The following RRM2 variants were observed in gnomAD, a reference collection of about 807,000 sequenced individuals.
RRM2 encodes the protein ribonucleoside-diphosphate reductase subunit M2.
A neutral mutation model predicts 45.9 loss-of-function variants in RRM2; 6 were observed. The ratio of observed to expected loss-of-function variants is 0.13; its 90% CI spans 0.07 to 0.26. The LOEUF is 0.26. RRM2 is among the 10% of genes least tolerant of loss of function. RRM2 has a pLI of 1.00. For synonymous variants in RRM2, 177 were observed against 173.0 expected (o/e 1.02, Z -0.18); for missense variants, 343 against 489.5 (o/e 0.70, Z 2.82).
intron 3 of RRM2, among the ~76,000 whole-genome samples, chr2:10,201,362 A>T (rs1313098451): frequency 6.6e-6 from 1 of 152,124 alleles, no homozygotes; most frequent in Non-Finnish European, 1.5e-5. Flanking sequence ...AGCCTCTTTG[A>T]CTCTGAAAAG....
intron 3 of RRM2, among the ~76,000 whole-genome samples, chr2:10,147,377 G>A (rs1388286167): frequency 6.6e-6 from 1 of 151,942 alleles, no homozygotes; most frequent in Non-Finnish European, 1.5e-5. Flanking sequence ...CAACCTCCTG[G>A]GCTCAAGTGA....
intron 3 of RRM2, among the ~76,000 whole-genome samples, chr2:10,167,124 C>A (rs534431457): frequency 2.0e-5 from 3 of 152,318 alleles, no homozygotes; most frequent in African/African-American, 7.2e-5. Flanking sequence ...TCTCGAGACA[C>A]GCCTCGACTG....
chr2:10,210,859 C>A (rs1664750123), exon 4 of RRM2: 1 of 320,058 alleles, frequency 3.1e-6, no homozygotes, highest in Non-Finnish European at 6.1e-6. Context: ...GGTTGGTGCC[C>A]TTATGGTTCT....
chr2:10,188,198 A>G (rs1356045243), intron 3 of RRM2, among the ~76,000 whole-genome samples: 1 of 152,180 alleles, frequency 6.6e-6, no homozygotes, highest in Non-Finnish European at 1.5e-5. Context: ...TGCAGTGGGC[A>G]GCCCGGTGGT....
chr2:10,149,699 C>A (rs1196237410), intron 3 of RRM2, among the ~76,000 whole-genome samples: 1 of 152,196 alleles, frequency 6.6e-6, no homozygotes, highest in Non-Finnish European at 1.5e-5. Context: ...GAGGACTACA[C>A]CCAGTGCCAT....
intron 3 of RRM2, among the ~76,000 whole-genome samples, chr2:10,143,979 T>C (rs1227733694): frequency 2.0e-5 from 3 of 152,236 alleles, no homozygotes; most frequent in Non-Finnish European, 4.4e-5. Flanking sequence ...CTGCCCACTT[T>C]CTTCCCCTTC....
chr2:10,145,522 C>T (rs1015166806), intron 3 of RRM2: 2 of 152,260 alleles, frequency 1.3e-5, no homozygotes, highest in African/African-American at 2.4e-5. Flanking sequence ...TATTTTTGAT[C>T]TGCAGTTAGA....
At chr2:10,146,549 G>A (rs1663190762) in intron 3 of RRM2, among the ~76,000 whole-genome samples, 1 of 152,224 alleles carries the variant, frequency 6.6e-6, no homozygotes. Flanking sequence ...TTGCCTTCTG[G>A]GGGCTGCTAG....
chr2:10,166,667 G>T (rs760434549), intron 3 of RRM2, among the ~76,000 whole-genome samples: 1 of 152,226 alleles, frequency 6.6e-6, no homozygotes, highest in Admixed American at 6.5e-5. Context: ...AGGGATCAAG[G>T]CTCAGCCTGT....
chr2:10,180,424 C>A (rs892718770), intron 3 of RRM2, among the ~76,000 whole-genome samples: 2 of 152,348 alleles, frequency 1.3e-5, no homozygotes, highest in African/African-American at 4.8e-5. Flanking sequence ...AATTCCAAGT[C>A]ATTCATTATT....
intron 3 of RRM2, among the ~76,000 whole-genome samples, chr2:10,164,262 A>C (rs1367497984): frequency 6.6e-6 from 1 of 152,196 alleles, no homozygotes; most frequent in Non-Finnish European, 1.5e-5. Flanking sequence ...CTGAGTCTGC[A>C]TCTGGGCTCC....
At chr2:10,193,610 A>G (rs1269772741) in intron 3 of RRM2, among the ~76,000 whole-genome samples, 1 of 152,208 alleles carries the variant, frequency 6.6e-6, no homozygotes, top group East Asian at 1.9e-4. Context: ...CGGTCCTTGT[A>G]GCAAACATCG....
intron 3 of RRM2, among the ~76,000 whole-genome samples, chr2:10,160,786 A>G (rs1286135381): frequency 6.6e-6 from 1 of 152,064 alleles, no homozygotes; most frequent in Non-Finnish European, 1.5e-5. Flanking sequence ...CTGTATTTTC[A>G]GTCTTTCCTG....
intron 4 of RRM2, among the ~76,000 whole-genome samples, chr2:10,124,485 A>G (rs955371376): frequency 5.3e-5 from 8 of 152,202 alleles, no homozygotes; most frequent in Admixed American, 3.9e-4. Flanking sequence ...CTTTCTTGAC[A>G]TAAATTAATT....
At chr2:10,163,368 T>TG (rs1262534898) in intron 3 of RRM2, among the ~76,000 whole-genome samples, 1 of 151,488 alleles carries the variant, frequency 6.6e-6, no homozygotes, top group Non-Finnish European at 1.5e-5. Flanking sequence ...TCTCTGGGGC[T>TG]GGGGCCAAGC....
chr2:10,122,572 TCG>T, upstream of RRM2: 1 of 1,440,954 alleles, frequency 6.9e-7, no homozygotes, highest in Non-Finnish European at 9.2e-7. Context: ...CGCTTGAAAA[TCG>T]CGCGCGGCCC....
Position 10,162,273 on chromosome 2 carries a change from G to A in RRM2, n.482+19898G>A, listed in dbSNP as rs1371935431. On this transcript the variant is annotated intron_variant and non_coding_transcript_variant, in intron 3 of 3. Coordinates refer to the RRM2 transcript ENST00000381786. ...ATAGAGAGGTGTGGAGCCGCCCGTC[G>A]TTCATGTCGATTCTCTCAGTCAATC... Among the ~76,000 whole-genome samples the A allele has an allele frequency of 3.9e-5, 6 of 152,182 alleles. No individual in the cohort carries two copies. The South Asian group carries it at 1.0e-3, about 26-fold the overall frequency.
intron 2 of RRM2, 65 bp from the exon 3 acceptor site, chr2:10,123,322 C>T (rs759068332): frequency 3.1e-5 from 48 of 1,526,294 alleles, no homozygotes; most frequent in Non-Finnish European, 3.5e-5. Context: ...AGGACTTGGT[C>T]CAGAAAAACG....
At chr2:10,199,455 T>A (rs1664491019) in intron 3 of RRM2, among the ~76,000 whole-genome samples, 1 of 151,992 alleles carries the variant, frequency 6.6e-6, no homozygotes, top group Non-Finnish European at 1.5e-5. Context: ...TGAAACACAA[T>A]TCTCTCTCTC....
Sources: gnomAD v4.1 joint callset for allele counts (sites outside exome capture counted in the v4.1 genomes callset) on GRCh38, gnomAD v4.1.1 for gene constraint, MANE v1.5 for transcripts, NCBI Gene and HGNC (gene_info 2026-07-23, HGNC 2026-07-21) for gene names.